AFF2: variants seen among roughly 807,000 people sequenced by gnomAD.
AFF2 encodes the protein AF4/FMR2 family member 2.
In AFF2, 14 loss-of-function variants were observed where a neutral mutation model predicts 76.9. The ratio of observed to expected loss-of-function variants is 0.18; its 90% CI spans 0.12 to 0.28. The LOEUF is 0.28. Ranked by LOEUF, AFF2 falls within the 10% of genes least tolerant of loss-of-function variation. AFF2 has a pLI of 1.00. For missense variants in AFF2, 868 were observed against 1,001.1 expected (o/e 0.87, Z 1.79); for synonymous variants, 398 against 366.7 (o/e 1.09, Z -0.98).
intron 5 of AFF2, among the ~76,000 whole-genome samples, chrX:148,840,927 ATAAAG>A (rs1557274238): frequency 1.8e-5 from 2 of 112,665 alleles, no homozygotes; most frequent in Admixed American, 1.9e-4. Context: ...AAATTAAAAA[ATAAAG>A]TAAAAAGAAG....
At chrX:148,771,657 C>A (rs2069589089) in intron 3 of AFF2, among the ~76,000 whole-genome samples, 1 of 112,117 alleles carries the variant, frequency 8.9e-6, no homozygotes, top group Non-Finnish European at 1.9e-5. Context: ...ACCAGGTGAT[C>A]CTCAGTGAAT....
intron 3 of AFF2, among the ~76,000 whole-genome samples, chrX:148,684,943 C>T (rs908853574): frequency 8.9e-6 from 1 of 112,463 alleles, no homozygotes; most frequent in African/African-American, 3.2e-5. Context: ...GCAGTTCTTA[C>T]ATTTCAACAG....
chrX:148,904,499 C>T, intron 9 of AFF2: 2 of 328,510 alleles, frequency 6.1e-6, no homozygotes, highest in Non-Finnish European at 1.0e-5. Context: ...TTAATATGTG[C>T]AATCCATGAA....
chrX:148,503,160 G>C (rs977831467), intron 1 of AFF2, among the ~76,000 whole-genome samples: 3 of 111,946 alleles, frequency 2.7e-5, no homozygotes, highest in African/African-American at 9.8e-5. Context: ...CTTACTGCTC[G>C]TGAGTGGCAC....
chrX:148,812,567 A>C, intron 4 of AFF2, among the ~76,000 whole-genome samples: 1 of 111,313 alleles, frequency 9.0e-6, no homozygotes, highest in African/African-American at 3.3e-5. Flanking sequence ...CATTGTTTGC[A>C]TCTGCACCAT....
intron 5 of AFF2, among the ~76,000 whole-genome samples, chrX:148,839,228 C>T (rs989704452): frequency 3.6e-5 from 4 of 112,278 alleles, no homozygotes; most frequent in Non-Finnish European, 7.5e-5. Context: ...ATCTGTGCTA[C>T]CATCAACCCC....
intron 7 of AFF2, among the ~76,000 whole-genome samples, chrX:148,847,328 T>C (rs1190003967): frequency 2.7e-5 from 3 of 111,680 alleles, no homozygotes; most frequent in African/African-American, 9.8e-5. Context: ...TCCAGTTAGT[T>C]CTTAACTTCA....
At chrX:148,988,860 C>G (rs1489368064) in intron 20 of AFF2, among the ~76,000 whole-genome samples, 6 of 111,975 alleles carry the variant, frequency 5.4e-5, no homozygotes, top group Non-Finnish European at 7.5e-5. Flanking sequence ...TCTCATTTGC[C>G]CTTATTTCAT....
intron 1 of AFF2, among the ~76,000 whole-genome samples, chrX:148,582,676 G>A (rs1425368439): frequency 1.8e-5 from 2 of 111,935 alleles, no homozygotes; most frequent in African/African-American, 6.5e-5. Flanking sequence ...GTGGGAAACA[G>A]TTTGGTAGTT....
chrX:148,553,149 A>G (rs1490302388), intron 1 of AFF2, among the ~76,000 whole-genome samples: 1 of 112,022 alleles, frequency 8.9e-6, no homozygotes, highest in East Asian at 2.8e-4. Flanking sequence ...TGTAACTAAT[A>G]CACAATAAAA....
At chrX:148,766,167 G>A (rs1427016306) in intron 3 of AFF2, among the ~76,000 whole-genome samples, 1 of 110,355 alleles carries the variant, frequency 9.1e-6, no homozygotes, top group African/African-American at 3.3e-5. Flanking sequence ...ATAAACATAT[G>A]TGTGCATGTG....
At chrX:148,672,954 A>G (rs1173642252) in intron 3 of AFF2, among the ~76,000 whole-genome samples, 2 of 111,751 alleles carry the variant, frequency 1.8e-5, no homozygotes, top group Non-Finnish European at 3.8e-5. Flanking sequence ...ACTAATTGCT[A>G]TAGAGGGAGT....
At chrX:148,874,461 G>A (rs2071013325) in intron 7 of AFF2, among the ~76,000 whole-genome samples, 1 of 111,070 alleles carries the variant, frequency 9.0e-6, no homozygotes, top group African/African-American at 3.3e-5. Context: ...ACTCAGAGAG[G>A]TCAATTAGTT....
chrX:148,587,378 C>A (rs2053479020), intron 1 of AFF2, among the ~76,000 whole-genome samples: 1 of 112,163 alleles, frequency 8.9e-6, no homozygotes, highest in South Asian at 3.7e-4. Flanking sequence ...AAAAAGCATG[C>A]ATTTTAGTAT....
intron 7 of AFF2, among the ~76,000 whole-genome samples, chrX:148,851,451 G>T (rs146936784): frequency 0.011 from 1,180 of 111,988 alleles, 11 homozygotes; most frequent in South Asian, 0.025. Flanking sequence ...AAAACCAAAA[G>T]AATAAAATTT....
At position 148,916,367 on chromosome X, in the gene AFF2, G is replaced by A. The variant is rs782683760; in HGVS notation, c.1397+12109G>A. Among the ~76,000 whole-genome samples the A allele has an allele frequency of 2.3e-4, 25 of 107,494 alleles. No individual in the cohort carries two copies. The East Asian group carries it at 4.4e-3, about 19-fold the overall frequency. 93.3% of individuals were successfully genotyped at this position (107,494 alleles called of 115,157 possible). On this transcript the variant is annotated intron_variant, in intron 9 of 20. Transcript: ENST00000370460. ...TGGGACTACAGGCGCCCGCCACCAC[G>A]CCCGGCTAATTTTTTTGTGTTTTTG...
At chrX:148,739,364 TATA>T (rs1161829250) in intron 3 of AFF2, among the ~76,000 whole-genome samples, 1 of 112,332 alleles carries the variant, frequency 8.9e-6, no homozygotes, top group Non-Finnish European at 1.9e-5. Context: ...TTTACCATTA[TATA>T]ATGTCCCTCT....
intron 1 of AFF2, among the ~76,000 whole-genome samples, chrX:148,637,391 A>G (rs2054042788): frequency 8.9e-6 from 1 of 112,438 alleles, no homozygotes; most frequent in Non-Finnish European, 1.9e-5. Flanking sequence ...ATAAGGCCGC[A>G]TAGGTTAGAC....
intron 4 of AFF2, among the ~76,000 whole-genome samples, chrX:148,824,310 C>A (rs967717919): frequency 1.8e-5 from 2 of 111,482 alleles, no homozygotes; most frequent in Non-Finnish European, 3.8e-5. Flanking sequence ...AAAAGCCATT[C>A]ATTGTACAAA....
Sources: allele counts gnomAD v4.1 joint callset (sites outside exome capture counted in the v4.1 genomes callset), GRCh38; gene constraint gnomAD v4.1.1; transcripts MANE v1.5; gene names NCBI Gene and HGNC (gene_info 2026-07-23, HGNC 2026-07-21).